DYTN: variants seen among roughly 807,000 people sequenced by gnomAD.
DYTN encodes the protein dystrotelin.
DYTN carries 75 observed loss-of-function variants against 69.6 expected under a neutral mutation model. That is an observed-to-expected ratio of 1.08 (90% CI 0.89 to 1.31). The LOEUF is 1.31. Among genes scored for constraint, DYTN ranks in the 50% most tolerant of loss-of-function variants. DYTN has a pLI of 0.00. For missense variants in DYTN, 726 were observed against 688.4 expected (o/e 1.05, Z -0.61); for synonymous variants, 252 against 249.1 (o/e 1.01, Z -0.11).
At chr2:206,662,672 A>G (rs2115590) in intron 11 of DYTN, among the ~76,000 whole-genome samples, 4,747 of 151,588 alleles carry the variant, frequency 0.031, 105 homozygotes, top group Middle Eastern at 0.061. Flanking sequence ...ACTATATGCC[A>G]GGTTCTATAC....
At chr2:206,717,715 A>G (rs1417457939) in intron 1 of DYTN, among the ~76,000 whole-genome samples, 5 of 152,332 alleles carry the variant, frequency 3.3e-5, no homozygotes, top group African/African-American at 1.2e-4. Flanking sequence ...GATTTTGGTT[A>G]GGGGAGTAAG....
At chr2:206,667,762 G>T (rs1191159023) in intron 9 of DYTN, among the ~76,000 whole-genome samples, 1 of 151,128 alleles carries the variant, frequency 6.6e-6, no homozygotes, top group Non-Finnish European at 1.5e-5. Flanking sequence ...GCCTAAAATA[G>T]TTCCTGTCAT....
At chr2:206,667,730 G>T (rs905118426) in intron 9 of DYTN, among the ~76,000 whole-genome samples, 11 of 150,250 alleles carry the variant, frequency 7.3e-5, no homozygotes, top group African/African-American at 2.7e-4. Context: ...GTGTGTGTGT[G>T]TTGACATGTC....
intron 1 of DYTN, among the ~76,000 whole-genome samples, chr2:206,716,042 C>G (rs765008375): frequency 9.9e-5 from 15 of 152,106 alleles, no homozygotes; most frequent in Non-Finnish European, 1.6e-4. Context: ...GAGCCAAGAT[C>G]GCGCTACTGC....
intron 7 of DYTN, among the ~76,000 whole-genome samples, chr2:206,697,029 G>T (rs560426695): frequency 5.6e-4 from 85 of 152,232 alleles, no homozygotes; most frequent in African/African-American, 1.9e-3. Context: ...ACATAAATGG[G>T]AAGACATTTA....
intron 9 of DYTN, chr2:206,670,439 C>G (rs1477555579): frequency 6.6e-6 from 1 of 151,782 alleles, no homozygotes; most frequent in Non-Finnish European, 1.5e-5. Flanking sequence ...AAAGGAAATG[C>G]TATGGATTTC....
At chr2:206,710,431 G>T in intron 2 of DYTN, 93 bp downstream of exon 2, 4 of 1,196,072 alleles carry the variant, frequency 3.3e-6, no homozygotes, top group Non-Finnish European at 4.7e-6. Flanking sequence ...CCAGTAGTCA[G>T]CTGCATGGGG....
intron 9 of DYTN, among the ~76,000 whole-genome samples, chr2:206,678,109 AG>A (rs1457232642): frequency 2.0e-5 from 3 of 152,238 alleles, no homozygotes; most frequent in Non-Finnish European, 2.9e-5. Context: ...AAATATAAAA[AG>A]TTTAAATACA....
At chr2:206,671,604 A>G (rs1699630737) in intron 9 of DYTN, among the ~76,000 whole-genome samples, 1 of 152,222 alleles carries the variant, frequency 6.6e-6, no homozygotes, top group Non-Finnish European at 1.5e-5. Flanking sequence ...CAGTCTCTAT[A>G]TATGGTGGAG....
At chr2:206,664,657 G>C (rs1234429701) in intron 10 of DYTN, among the ~76,000 whole-genome samples, 1 of 152,114 alleles carries the variant, frequency 6.6e-6, no homozygotes, top group Non-Finnish European at 1.5e-5. Context: ...GCAAGACCCT[G>C]TCTAAAATGT....
At chr2:206,709,931 A>G (rs552261715) in intron 2 of DYTN, among the ~76,000 whole-genome samples, 1 of 152,328 alleles carries the variant, frequency 6.6e-6, no homozygotes, top group African/African-American at 2.4e-5. Flanking sequence ...TTTTGCCTAG[A>G]TAACAGTAGG....
At chr2:206,654,907 T>C (rs1699431030) in intron 11 of DYTN, among the ~76,000 whole-genome samples, 1 of 152,224 alleles carries the variant, frequency 6.6e-6, no homozygotes, top group Admixed American at 6.5e-5. Flanking sequence ...TATAAGATCA[T>C]GGCATATGCA....
intron 5 of DYTN, among the ~76,000 whole-genome samples, chr2:206,703,722 A>G (rs2105900390): frequency 1.3e-5 from 2 of 152,248 alleles, no homozygotes; most frequent in Non-Finnish European, 1.5e-5. Context: ...CCTTGCTCCC[A>G]TCATGCATGG....
chr2:206,670,182 T>C (rs557498580), intron 9 of DYTN, among the ~76,000 whole-genome samples: 18 of 152,294 alleles, frequency 1.2e-4, no homozygotes, highest in African/African-American at 3.8e-4. Flanking sequence ...AACACATACA[T>C]AACACAAGAT....
At chr2:206,696,002 A>C (rs1699916813) in intron 7 of DYTN, among the ~76,000 whole-genome samples, 1 of 152,228 alleles carries the variant, frequency 6.6e-6, no homozygotes, top group South Asian at 2.1e-4. Flanking sequence ...TCTTGCGGCA[A>C]AACTTTGACA....
chr2:206,686,098 GGGGAGTGCTCA>G (rs1398437439), intron 9 of DYTN, among the ~76,000 whole-genome samples: 1 of 152,018 alleles, frequency 6.6e-6, no homozygotes, highest in African/African-American at 2.4e-5. Context: ...CCTTTGCTGT[GGGGAGTGCTCA>G]GCTACTTTCA....
chr2:206,707,270 T>C (rs1451291482), intron 3 of DYTN, 32 bp downstream of exon 3: 2 of 1,595,774 alleles, frequency 1.3e-6, no homozygotes. Flanking sequence ...AACTTTGCCT[T>C]TGAGGTCACA....
rs368536376 is a variant in DYTN, at chr2:206,690,131, T to C, written c.980+3044A>G. ...CAGAGTGAGGAAAGTGGTTGAATGGTAAATGGTTGTCAGGAAAGGCCTTCA... is the reference window on the plus strand; with the variant it reads ...CAGAGTGAGGAAAGTGGTTGAATGGCAAATGGTTGTCAGGAAAGGCCTTCA... On this transcript the variant is annotated intron_variant, in intron 9 of 11. Coordinates refer to ENST00000452335, the MANE Select transcript of DYTN (RefSeq NM_001093730.1). Among the ~76,000 whole-genome samples the C allele has an allele frequency of 1.2e-4, 19 of 152,282 alleles. No individual in the cohort carries two copies. In the East Asian group the frequency reaches 3.5e-3, roughly 28 times the overall value.
intron 11 of DYTN, among the ~76,000 whole-genome samples, chr2:206,658,928 G>T (rs1699476611): frequency 6.9e-6 from 1 of 144,924 alleles, no homozygotes; most frequent in Admixed American, 6.9e-5. Flanking sequence ...ACATATGCAA[G>T]AAATTTTACT....
Sources: allele counts gnomAD v4.1 joint callset (sites outside exome capture counted in the v4.1 genomes callset), GRCh38; gene constraint gnomAD v4.1.1; transcripts MANE v1.5; gene names NCBI Gene and HGNC (gene_info 2026-07-23, HGNC 2026-07-21).